Variants in TXNRD2 observed in about 807,000 individuals in gnomAD.
TXNRD2 encodes thioredoxin reductase 2.
A neutral mutation model predicts 70.8 loss-of-function variants in TXNRD2; 67 were observed. The observed-to-expected ratio is 0.95, with a 90% confidence interval of 0.78 to 1.16. TXNRD2 has a LOEUF of 1.16. Ranked by LOEUF, TXNRD2 falls within the 50% of genes most tolerant of loss-of-function variation. The pLI, the probability that TXNRD2 is intolerant of heterozygous loss-of-function variation, is 0.00. For synonymous variants in TXNRD2, 301 were observed against 295.8 expected (o/e 1.02, Z -0.18); for missense variants, 644 against 719.9 (o/e 0.89, Z 1.21).
Position 19,877,094 on chromosome 22 carries a change from A to G in TXNRD2, c.*11T>C. Reference sequence around the variant, plus strand: ...GGGCGCACCGTGTGCCCTGGCCTGCAGGGATGGCGCTTACCCTCAGCAGCC... The same window carrying G: ...GGGCGCACCGTGTGCCCTGGCCTGCGGGGATGGCGCTTACCCTCAGCAGCC... On this transcript the variant is annotated 3_prime_UTR_variant, in exon 17 of 18. Transcript: ENST00000400521. The G allele has an allele frequency of 1.3e-6, 2 of 1,590,944 alleles. No homozygotes were observed. The highest frequency in any genetic ancestry group is 1.1e-5 in the South Asian group (1 of 90,214).
chr22:19,899,269 G>A (rs1448830703), intron 8 of TXNRD2, among the ~76,000 whole-genome samples: 1 of 152,226 alleles, frequency 6.6e-6, no homozygotes, highest in East Asian at 1.9e-4. Flanking sequence ...TCAGCAAATC[G>A]CCTGGTGGTG....
At chr22:19,920,128 C>T (rs761973475) in intron 2 of TXNRD2, among the ~76,000 whole-genome samples, 1 of 152,214 alleles carries the variant, frequency 6.6e-6, no homozygotes, top group Non-Finnish European at 1.5e-5. Context: ...CACCAAAGCT[C>T]AGGAGAAGTG....
intron 7 of TXNRD2, 167 bp downstream of exon 7, chr22:19,915,047 G>T: frequency 1.4e-6 from 1 of 699,074 alleles, no homozygotes; most frequent in Non-Finnish European, 2.5e-6. Context: ...CCACATTTCA[G>T]CAGTGTGGAT....
chr22:19,911,072 C>CT lies in TXNRD2; in HGVS notation c.662+304dup, dbSNP rs1345078137. ...TTTGGGGGACAGAGTGAGAATTCACCTAAAAAAAAAAGCCAAAAAAAAAAC... is the reference window on the plus strand; with the variant it reads ...TTTGGGGGACAGAGTGAGAATTCACCTTAAAAAAAAAAGCCAAAAAAAAAAC... On this transcript the variant is annotated intron_variant, in intron 8 of 17. Transcript: ENST00000400521. 5 of 404,850 alleles carry CT rather than the reference C, an allele frequency of 1.2e-5. No individual in the cohort carries two copies. In the East Asian group the frequency reaches 2.7e-4, roughly 22 times the overall value. 25.1% of individuals were successfully genotyped at this position (404,850 alleles called of 1,614,324 possible). A position where few individuals can be genotyped will look rare whatever the true frequency, so the allele number is the denominator to read the frequency against.
intron 2 of TXNRD2, among the ~76,000 whole-genome samples, chr22:19,926,704 C>T (rs1391296812): frequency 6.6e-6 from 1 of 152,042 alleles, no homozygotes; most frequent in African/African-American, 2.4e-5. Flanking sequence ...TTGCTTGAGC[C>T]CGAGAGGCCG....
chr22:19,913,238 G>A (rs966517691), intron 7 of TXNRD2, among the ~76,000 whole-genome samples: 4 of 152,190 alleles, frequency 2.6e-5, no homozygotes, highest in Non-Finnish European at 4.4e-5. Flanking sequence ...GGGAGATTCA[G>A]AATTATGGAA....
chr22:19,911,555 C>G lies in TXNRD2; in HGVS notation c.592-108G>C. On this transcript the variant is annotated intron_variant, in intron 7 of 17. Coordinates refer to ENST00000400521, the MANE Select transcript of TXNRD2 (RefSeq NM_006440.5). ...AGAATCAAGCAGAGCTTTCCCAGGG[C>G]ACACATGCACAGGGCTTCCCTGCTG... The G allele has an allele frequency of 3.6e-6, 3 of 832,532 alleles. No homozygotes were observed. In the Admixed American group the frequency reaches 5.8e-5, roughly 16 times the overall value. The allele number at this position is 832,532 out of a possible 1,614,324, so 51.6% of individuals were successfully genotyped here.
chr22:19,932,138 G>A (rs1941386395), intron 1 of TXNRD2, among the ~76,000 whole-genome samples: 3 of 143,370 alleles, frequency 2.1e-5, no homozygotes, highest in Admixed American at 1.4e-4. Flanking sequence ...TCCAGCCTGG[G>A]AGACAGAGTG....
At chr22:19,932,792 G>C (rs1941415124) in intron 1 of TXNRD2, among the ~76,000 whole-genome samples, 1 of 152,136 alleles carries the variant, frequency 6.6e-6, no homozygotes. Flanking sequence ...TCCATGATCA[G>C]AGCAGGGTCT....
At chr22:19,919,980 C>T (rs1055074677) in intron 2 of TXNRD2, among the ~76,000 whole-genome samples, 16 of 152,160 alleles carry the variant, frequency 1.1e-4, no homozygotes, top group Admixed American at 1.0e-3. Flanking sequence ...CAGTGCCCAC[C>T]CAAGCATCCC....
chr22:19,896,877 C>T (rs1939532226), intron 10 of TXNRD2, among the ~76,000 whole-genome samples: 1 of 152,150 alleles, frequency 6.6e-6, no homozygotes, highest in Non-Finnish European at 1.5e-5. Context: ...ACTCCTGCAC[C>T]CCTCCAGAGG....
intron 11 of TXNRD2, 153 bp from the exon 12 acceptor site, chr22:19,883,614 A>C: frequency 9.2e-7 from 1 of 1,082,094 alleles, no homozygotes; most frequent in Non-Finnish European, 1.4e-6. Flanking sequence ...GAGGTGGGCA[A>C]ATCACCTGAG....
intron 2 of TXNRD2, among the ~76,000 whole-genome samples, chr22:19,922,906 C>T (rs1237972741): frequency 1.3e-5 from 2 of 152,162 alleles, no homozygotes; most frequent in African/African-American, 2.4e-5. Flanking sequence ...TCAGGCTGGT[C>T]TTAAACTCCT....
Position 19,881,254 on chromosome 22 carries a change from G to A in TXNRD2, c.1087-537C>T, listed in dbSNP as rs1400409818. The A allele has an allele frequency of 4.0e-5, 16 of 396,532 alleles. 1 individual carries two copies. In the South Asian group the frequency reaches 4.2e-4, roughly 10 times the overall value. The allele number at this position is 396,532 out of a possible 1,614,324, so 24.6% of individuals were successfully genotyped here. A position where few individuals can be genotyped will look rare whatever the true frequency, so the allele number is the denominator to read the frequency against. On this transcript the variant is annotated intron_variant, in intron 12 of 17. Transcript: ENST00000400521. ...GCCCAGCCTTGGGGGTTCCAGCACCGTCCTCTGGGATGGGCTGCCAATCAC... is the reference window on the plus strand; with the variant it reads ...GCCCAGCCTTGGGGGTTCCAGCACCATCCTCTGGGATGGGCTGCCAATCAC...
At chr22:19,894,987 GAA>G in intron 11 of TXNRD2, 1 of 1,341,156 alleles carries the variant, frequency 7.5e-7, no homozygotes. Flanking sequence ...AAAAAAAAAA[GAA>G]AAGAAACATA....
intron 12 of TXNRD2, 54 bp downstream of exon 12, chr22:19,883,271 G>A (rs1938864660): frequency 1.2e-6 from 2 of 1,601,334 alleles, no homozygotes; most frequent in African/African-American, 2.7e-5. Context: ...CCAGCGAGCA[G>A]GGGTGGTGGA....
intron 7 of TXNRD2, among the ~76,000 whole-genome samples, chr22:19,912,029 T>A (rs1940435188): frequency 6.6e-6 from 1 of 152,078 alleles, no homozygotes; most frequent in African/African-American, 2.4e-5. Context: ...GGGCAGGGAC[T>A]GAGGGGCAGC....
chr22:19,928,541 A>G (rs1326897834), intron 2 of TXNRD2, among the ~76,000 whole-genome samples: 1 of 152,240 alleles, frequency 6.6e-6, no homozygotes, highest in Admixed American at 6.5e-5. Flanking sequence ...CAGACAGCAC[A>G]TGCCTGGTTG....
chr22:19,893,582 GC>G (rs771144232), intron 11 of TXNRD2, among the ~76,000 whole-genome samples: 19 of 152,200 alleles, frequency 1.2e-4, no homozygotes, highest in Non-Finnish European at 2.6e-4. Flanking sequence ...CCGTCAGACA[GC>G]CCCGGCCCAG....
Sources: gnomAD v4.1 joint callset for allele counts (sites outside exome capture counted in the v4.1 genomes callset) on GRCh38, gnomAD v4.1.1 for gene constraint, MANE v1.5 for transcripts, NCBI Gene and HGNC (gene_info 2026-07-23, HGNC 2026-07-21) for gene names.